Variants in PKD1L3 observed in about 807,000 individuals in gnomAD.
PKD1L3 encodes the protein polycystin-1-like protein 3.
A neutral mutation model predicts 184.1 loss-of-function variants in PKD1L3; 239 were observed. The observed-to-expected ratio is 1.30, with a 90% confidence interval of 1.17 to 1.45. PKD1L3 has a LOEUF of 1.45. Among genes scored for constraint, PKD1L3 ranks in the 40% most tolerant of loss-of-function variants. The probability of loss-of-function intolerance (pLI) is 0.00; values close to 1 mark genes in which losing one functional copy is unlikely to be tolerated. For synonymous variants in PKD1L3, 996 were observed against 778.8 expected, an observed-to-expected ratio of 1.28 and a Z score of -4.64; for missense variants, 2,660 against 2,067.2, an observed-to-expected ratio of 1.29 and a Z score of -5.56.
chr16:71,971,600 A>T (rs1205406686), intron 12 of PKD1L3, among the ~76,000 whole-genome samples: 1 of 152,198 alleles, frequency 6.6e-6, no homozygotes, highest in East Asian at 1.9e-4. Flanking sequence ...CTGTGAGAGG[A>T]GAAAAGCTCT....
intron 1 of PKD1L3, among the ~76,000 whole-genome samples, chr16:71,999,144 A>G (rs2040887240): frequency 1.3e-5 from 2 of 151,886 alleles, no homozygotes; most frequent in East Asian, 1.9e-4. Flanking sequence ...GGTGGCGGCC[A>G]CCTGTAGTCC....
chr16:71,953,209 A>G, intron 17 of PKD1L3, 116 bp from the exon 18 acceptor site: 1 of 868,814 alleles, frequency 1.2e-6, no homozygotes, highest in East Asian at 3.1e-5. Flanking sequence ...ATCTAGAGAT[A>G]AAATTATCCT....
In PKD1L3 at chr16:71,951,079, G is replaced by T. The variant is rs143636872; in HGVS notation, c.3190+485C>A. On this transcript the variant is annotated intron_variant, in intron 19 of 29. Transcript: ENST00000620267. The stretch of plus-strand genomic sequence containing the variant: ...CTTTTTTCAAGACAGAGCCTATGTT[G>T]CCCAAGCTGGAGTGTAGTGGCGCGA... Among the ~76,000 whole-genome samples the T allele has an allele frequency of 4.0e-4, 60 of 150,204 alleles. 1 individual carries two copies. In the East Asian group the frequency reaches 0.011, roughly 28 times the overall value.
intron 27 of PKD1L3, 88 bp from the exon 28 acceptor site, chr16:71,933,609 C>G: frequency 1.0e-6 from 1 of 983,700 alleles, no homozygotes; most frequent in Non-Finnish European, 1.6e-6. Flanking sequence ...AACATAGAAG[C>G]AATGGAACAG....
At position 71,980,129 on chromosome 16, in the gene PKD1L3, T is replaced by G. The variant is rs2040093146; in HGVS notation, c.1149A>C (p.Glu383Asp). ...LESKRHTEPV[E>D]DILEMSLVEF... ...CCACCAAGGACATTTCCAGGATGTC[T>G]TCTACCTGCATGGAAAGGAAAACAG... The change falls in exon 8 of 30, where the codon GAA becomes GAC. Residue 383 changes from glutamate to aspartate, a missense_variant. Physicochemically the swap from Glu to Asp is conservative, Grantham distance 45 (BLOSUM62 2). Transcript: ENST00000620267. 3.2e-6 allele frequency: 5 copies of G among 1,551,486 alleles called. No individual in the cohort carries two copies. The East Asian group carries it at 9.8e-5, about 30-fold the overall frequency.
chr16:71,975,524 T>C (rs999747615), intron 11 of PKD1L3, among the ~76,000 whole-genome samples: 2 of 152,208 alleles, frequency 1.3e-5, no homozygotes, highest in African/African-American at 2.4e-5. Context: ...ATTTCATATA[T>C]AGTCATCTAC....
intron 22 of PKD1L3, among the ~76,000 whole-genome samples, chr16:71,945,539 G>A (rs753487796): frequency 3.3e-5 from 5 of 151,452 alleles, no homozygotes; most frequent in Admixed American, 6.6e-5. Context: ...TTATCCAGGC[G>A]TGGTGGAGTG....
At chr16:71,964,252 A>G (rs1254816133) in intron 15 of PKD1L3, among the ~76,000 whole-genome samples, 1 of 119,710 alleles carries the variant, frequency 8.4e-6, no homozygotes, top group African/African-American at 3.3e-5. Flanking sequence ...TAATGATGCT[A>G]TTTTCCCCAA....
At chr16:71,934,868 A>T (rs1256738467) in intron 26 of PKD1L3, among the ~76,000 whole-genome samples, 1 of 152,234 alleles carries the variant, frequency 6.6e-6, no homozygotes, top group African/African-American at 2.4e-5. Flanking sequence ...AACACTTGGC[A>T]TGGGAAACAT....
At chr16:71,941,397 A>G (rs72801797) in intron 24 of PKD1L3, among the ~76,000 whole-genome samples, 21,166 of 151,918 alleles carry the variant, frequency 0.14, 1,801 homozygotes, top group South Asian at 0.38. Context: ...ATATTAGATG[A>G]AAAAGATGGA....
rs1321249642 is a variant in PKD1L3, at chr16:71,986,287, C to T, written c.768G>A (p.Lys256=). 9 of 1,552,212 alleles carry T rather than the reference C, an allele frequency of 5.8e-6. No homozygotes were observed. The highest frequency in any genetic ancestry group is 7.8e-6 in the Non-Finnish European group (9 of 1,147,122). ...TGAAGGTATTCGGATGACCTTCTTC[C>T]TTTGGGCTTGAAGTTGTTTCTGCCA... ...QSLAETTSSP[K]EEGHPNTFTS... Residue 256 remains lysine (K), a synonymous_variant, in exon 5 of 30, where the codon AAG becomes AAA. Transcript: ENST00000620267.
In PKD1L3 at chr16:71,973,515, C is replaced by T. The variant is rs376449768; in HGVS notation, c.1762G>A (p.Glu588Lys). 1.9e-6 allele frequency: 3 copies of T among 1,550,700 alleles called. No individual in the cohort carries two copies. The East Asian group carries it at 7.3e-5, about 38-fold the overall frequency. Residue 588 changes from glutamate (E) to lysine (K), a missense_variant and splice_region_variant, in exon 12 of 30, where the codon GAG becomes AAG. Physicochemically the swap from Glu to Lys is moderately conservative, Grantham distance 56. Transcript: ENST00000620267. ...GGATTCAGCACCCACGTGTACTCCT[C>T]ATCTTAGAACAAAGAAGAGTGCTTA... ...LPKDKVWQKDEEYTWVLNPEH... is the reference protein window; with the variant it reads ...LPKDKVWQKDKEYTWVLNPEH...
rs987328607 is a variant in PKD1L3, at chr16:71,993,199, G to A, written c.535+17C>T. ...ATTCCACGGATTTTTAAGGTTACTA[G>A]AGGAGTAACGCATTACCTGGGGGCA... is the stretch of plus-strand genomic sequence containing the variant. On this transcript the variant is annotated intron_variant, in intron 3 of 29. Transcript: ENST00000620267. 1 of 1,476,526 alleles carries A rather than the reference G, an allele frequency of 6.8e-7. No individual in the cohort carries two copies. The highest frequency in any genetic ancestry group is 2.5e-5 in the East Asian group (1 of 40,330). The allele number at this position is 1,476,526 out of a possible 1,614,324, so 91.5% of individuals were successfully genotyped here. A position where few individuals can be genotyped will look rare whatever the true frequency, so the allele number is the denominator to read the frequency against.
rs965576083 is a variant in PKD1L3 at position 71,934,005 on chromosome 16, C to T, written c.4734G>A (p.Arg1578=). ...WNLLRHSPRL[R]VISRTLSRAW... Reference sequence around the variant, plus strand: ...CTCGGCTCAGTGTCCTGCTGATGACCCGCAGCCTGGGGCTATGACGCAGCA... The same window carrying T: ...CTCGGCTCAGTGTCCTGCTGATGACTCGCAGCCTGGGGCTATGACGCAGCA... Residue 1578 remains arginine, a synonymous_variant, in exon 27 of 30, where the codon CGG becomes CGA. Transcript: ENST00000620267. The T allele has an allele frequency of 2.6e-6, 4 of 1,551,554 alleles. No individual in the cohort carries two copies. The African/African-American group carries it at 5.5e-5, about 21-fold the overall frequency.
rs1387114099 is a variant in PKD1L3 at position 71,947,509 on chromosome 16, CTCTTTG to C, written c.3695_3700del (p.Thr1232_Lys1233del). ...TGAGTTACCCAAGAGTGCCAAGATC[CTCTTTG>C]TTTGTTGTTCATTCTCTTTGTTAAG... On this transcript the variant is annotated inframe_deletion, in exon 22 of 30. Coordinates refer to ENST00000620267, the MANE Select transcript of PKD1L3 (RefSeq NM_181536.2). The C allele has an allele frequency of 4.6e-6, 7 of 1,521,894 alleles. No homozygotes were observed. The African/African-American group carries it at 1.1e-4, about 24-fold the overall frequency. The allele number at this position is 1,521,894 out of a possible 1,614,324, so 94.3% of individuals were successfully genotyped here.
intron 14 of PKD1L3, 57 bp downstream of exon 14, chr16:71,967,849 G>A (rs2039560045): frequency 7.2e-7 from 1 of 1,379,942 alleles, no homozygotes; most frequent in Non-Finnish European, 1.0e-6. Flanking sequence ...CCAACTCAGA[G>A]TGTGTCTCAT....
chr16:71,994,455 G>C (rs192234639), intron 2 of PKD1L3, among the ~76,000 whole-genome samples: 3 of 152,082 alleles, frequency 2.0e-5, no homozygotes, highest in Non-Finnish European at 2.9e-5. Flanking sequence ...CTTCTCTCAT[G>C]CTGCTACAAA....
intron 21 of PKD1L3, among the ~76,000 whole-genome samples, chr16:71,948,102 G>A (rs1019175043): frequency 2.3e-4 from 35 of 151,760 alleles, no homozygotes; most frequent in Admixed American, 4.6e-4. Context: ...TTTTTTTTGA[G>A]ACAGAGTCTT....
At chr16:71,994,222 C>T (rs1041805951) in intron 2 of PKD1L3, among the ~76,000 whole-genome samples, 1 of 152,200 alleles carries the variant, frequency 6.6e-6, no homozygotes, top group Non-Finnish European at 1.5e-5. Flanking sequence ...TGCCTTCATA[C>T]TGCCTGGCAG....
Sources: allele counts gnomAD v4.1 joint callset (sites outside exome capture counted in the v4.1 genomes callset), GRCh38; gene constraint gnomAD v4.1.1; transcripts MANE v1.5; gene names NCBI Gene and HGNC (gene_info 2026-07-23, HGNC 2026-07-21).